Variants in CRTC1 observed in about 807,000 individuals in gnomAD.
The protein encoded by CRTC1 is CREB regulated transcription coactivator 1.
A neutral mutation model predicts 66.1 loss-of-function variants in CRTC1; 18 were observed. The observed-to-expected ratio is 0.27, with a 90% CI of 0.19 to 0.40. CRTC1 has a LOEUF of 0.40. Ranked by LOEUF, CRTC1 falls within the 10% of genes least tolerant of loss-of-function variation. The probability of loss-of-function intolerance (pLI) is 1.00; values close to 1 mark genes in which losing one functional copy is unlikely to be tolerated. For synonymous variants in CRTC1, 416 were observed against 398.8 expected (o/e 1.04, Z -0.51); for missense variants, 669 against 887.9 (o/e 0.75, Z 3.13).
intron 1 of CRTC1, among the ~76,000 whole-genome samples, chr19:18,694,424 A>G (rs1214665882): frequency 6.6e-6 from 1 of 152,002 alleles, no homozygotes; most frequent in Admixed American, 6.6e-5. Flanking sequence ...TTATTAGAAC[A>G]TGGGCACAAC....
At chr19:18,704,348 C>G (rs1367859329) in intron 1 of CRTC1, among the ~76,000 whole-genome samples, 1 of 152,146 alleles carries the variant, frequency 6.6e-6, no homozygotes, top group Non-Finnish European at 1.5e-5. Flanking sequence ...CTTGGTCTCC[C>G]AAAGTGCTAG....
rs2145889638 is a variant in CRTC1 at position 18,780,860 on chromosome 19, G to GT, written c.*3479dup. On this transcript the variant is annotated 3_prime_UTR_variant, in exon 14 of 14. Transcript: ENST00000321949. ...GGCCTGAACAGCCTTGGCAGGACCC[G>GT]TCCCTAGAGGGGGCTCTGGTGCCTC... is the stretch of plus-strand genomic sequence containing the variant. 4.5e-6 allele frequency: 1 copy of GT among 222,726 alleles called. No individual in the cohort carries two copies. Among genetic ancestry groups the GT allele is most frequent in the East Asian group, 6.5e-5 (1 of 15,410 alleles). 13.8% of individuals were successfully genotyped at this position (222,726 alleles called of 1,614,324 possible). A position where few individuals can be genotyped will look rare whatever the true frequency, so the allele number is the denominator to read the frequency against.
intron 6 of CRTC1, among the ~76,000 whole-genome samples, chr19:18,758,406 C>A (rs1171976419): frequency 2.0e-5 from 3 of 151,978 alleles, no homozygotes; most frequent in African/African-American, 7.2e-5. Flanking sequence ...GAGCCCTTCC[C>A]GAGACCCTGA....
At chr19:18,714,468 C>T (rs1036737272) in intron 1 of CRTC1, among the ~76,000 whole-genome samples, 2 of 152,034 alleles carry the variant, frequency 1.3e-5, no homozygotes, top group Non-Finnish European at 1.5e-5. Context: ...CCACCACGCC[C>T]AGCTAATTTT....
At chr19:18,705,918 G>A (rs576668603) in intron 1 of CRTC1, among the ~76,000 whole-genome samples, 21 of 148,742 alleles carry the variant, frequency 1.4e-4, no homozygotes, top group African/African-American at 5.2e-4. Flanking sequence ...TGTCTTTGGA[G>A]AAATGTTTAT....
At chr19:18,696,135 A>G (rs921965651) in intron 1 of CRTC1, among the ~76,000 whole-genome samples, 1 of 152,094 alleles carries the variant, frequency 6.6e-6, no homozygotes, top group Non-Finnish European at 1.5e-5. Context: ...CGGAGAGCGA[A>G]TGTCATAGAG....
intron 1 of CRTC1, among the ~76,000 whole-genome samples, chr19:18,687,511 TC>T (rs954078249): frequency 1.3e-5 from 2 of 152,178 alleles, no homozygotes; most frequent in African/African-American, 4.8e-5. Flanking sequence ...AAGTGGCATG[TC>T]CGCCGTGCCT....
chr19:18,748,374 ATTTTT>A (rs777077338), intron 4 of CRTC1, among the ~76,000 whole-genome samples: 4 of 75,402 alleles, frequency 5.3e-5, no homozygotes, highest in Admixed American at 3.1e-4. Flanking sequence ...CTTCCAGCTG[ATTTTT>A]TTTTTTTTTT....
chr19:18,711,339 G>A (rs1356653802), intron 1 of CRTC1, among the ~76,000 whole-genome samples: 1 of 152,072 alleles, frequency 6.6e-6, no homozygotes. Flanking sequence ...GGGCCGCTTT[G>A]AAGGGGAGCA....
chr19:18,769,489 C>T lies in CRTC1; in HGVS notation c.1320+696C>T, dbSNP rs140344285. The stretch of plus-strand genomic sequence containing the variant: ...GACTGCCAGCCCCAGGCTAAATGTC[C>T]TCCAAACATTGTGTGCTCTGCAAAG... On this transcript the variant is annotated intron_variant, in intron 10 of 13. Transcript: ENST00000321949. 2.0e-3 allele frequency among the ~76,000 whole-genome samples: 311 copies of T among 152,368 alleles called. 1 individual carries two copies. Among genetic ancestry groups the T allele is most frequent in the African/African-American group, 7.0e-3 (293 of 41,578 alleles).
At chr19:18,761,494 C>A (rs1006531169) in intron 8 of CRTC1, among the ~76,000 whole-genome samples, 6 of 152,242 alleles carry the variant, frequency 3.9e-5, no homozygotes, top group African/African-American at 1.4e-4. Flanking sequence ...CTCCACCAGC[C>A]CATCCTGCCT....
At chr19:18,737,637 G>A (rs1342126292) in intron 1 of CRTC1, among the ~76,000 whole-genome samples, 2 of 151,998 alleles carry the variant, frequency 1.3e-5, no homozygotes, top group South Asian at 2.1e-4. Context: ...GTTGACTCTT[G>A]AATCAATGGT....
intron 1 of CRTC1, among the ~76,000 whole-genome samples, chr19:18,737,776 C>G (rs2054031863): frequency 6.6e-6 from 1 of 152,138 alleles, no homozygotes; most frequent in Non-Finnish European, 1.5e-5. Flanking sequence ...CCCTTTTCCT[C>G]CTCCTCAGCC....
chr19:18,736,576 G>A (rs966213724), intron 1 of CRTC1, among the ~76,000 whole-genome samples: 2 of 152,036 alleles, frequency 1.3e-5, no homozygotes, highest in African/African-American at 2.4e-5. Context: ...GGCCCAGGGG[G>A]AAGAGCCTTC....
intron 4 of CRTC1, among the ~76,000 whole-genome samples, chr19:18,748,283 C>CT (rs1389934204): frequency 1.3e-5 from 2 of 150,206 alleles, no homozygotes; most frequent in Non-Finnish European, 2.9e-5. Flanking sequence ...TGGTCACACT[C>CT]TGTTACTGAG....
chr19:18,702,803 G>T (rs2053177454), intron 1 of CRTC1, among the ~76,000 whole-genome samples: 1 of 152,044 alleles, frequency 6.6e-6, no homozygotes, highest in African/African-American at 2.4e-5. Context: ...CAAAGTGCTG[G>T]GATTACACAG....
intron 11 of CRTC1, among the ~76,000 whole-genome samples, chr19:18,772,519 C>T (rs1046666245): frequency 3.3e-5 from 5 of 152,168 alleles, no homozygotes; most frequent in Non-Finnish European, 5.9e-5. Context: ...AGAGGGGATG[C>T]TCTCGTCCTA....
intron 1 of CRTC1, among the ~76,000 whole-genome samples, chr19:18,686,541 G>C (rs2052688398): frequency 6.6e-6 from 1 of 152,192 alleles, no homozygotes; most frequent in Non-Finnish European, 1.5e-5. Context: ...CAGCTACTCG[G>C]GAGGCTTAGA....
intron 1 of CRTC1, among the ~76,000 whole-genome samples, chr19:18,714,111 G>A (rs2145595533): frequency 6.6e-6 from 1 of 152,272 alleles, no homozygotes; most frequent in East Asian, 1.9e-4. Context: ...ATGAGGCTGG[G>A]TGAGCCATGC....
Sources: allele counts gnomAD v4.1 joint callset (sites outside exome capture counted in the v4.1 genomes callset), GRCh38; gene constraint gnomAD v4.1.1; transcripts MANE v1.5; gene names NCBI Gene and HGNC (gene_info 2026-07-23, HGNC 2026-07-21).